MALT1: variants seen among roughly 807,000 people sequenced by gnomAD.
MALT1 encodes mucosa-associated lymphoid tissue lymphoma translocation protein 1.
Under a neutral mutation model 85.5 loss-of-function variants are expected in MALT1, and 36 were observed. The observed-to-expected ratio is 0.42, with a 90% CI of 0.32 to 0.56. The LOEUF (loss-of-function observed/expected upper bound fraction) is 0.56, where lower values mean the gene tolerates loss of function less well. Among genes scored for constraint, MALT1 ranks in the 20% least tolerant of loss-of-function variants. The pLI is 0.10. For synonymous variants in MALT1, 359 were observed against 361.3 expected (o/e 0.99, Z 0.07); for missense variants, 716 against 981.6 (o/e 0.73, Z 3.62).
chr18:58,735,108 C>A, intron 12 of MALT1, 94 bp from the exon 13 acceptor site: 1 of 1,140,388 alleles, frequency 8.8e-7, no homozygotes, highest in Non-Finnish European at 1.2e-6. Flanking sequence ...CTGGGTGCTT[C>A]TCTGAGTTCA....
At chr18:58,720,764 TAAAAATC>T in intron 9 of MALT1, among the ~76,000 whole-genome samples, 1 of 152,196 alleles carries the variant, frequency 6.6e-6, no homozygotes, top group East Asian at 1.9e-4. Flanking sequence ...TTTCTACCAA[TAAAAATC>T]TATGATGTGT....
At chr18:58,688,327 C>CAT (rs398041385) in intron 2 of MALT1, among the ~76,000 whole-genome samples, 8 of 85,482 alleles carry the variant, frequency 9.4e-5, no homozygotes, top group South Asian at 5.2e-4. Flanking sequence ...CACACACACA[C>CAT]GCTTATTAAT....
rs545836423 is a variant in MALT1, at chr18:58,698,964, C to A, written c.499-1477C>A. On this transcript the variant is annotated intron_variant, in intron 3 of 16. Transcript: ENST00000649217. Reference sequence around the variant, plus strand: ...CTGTTGCCTGGGGGTAAAAGCTGCCCCACGAGGGAATTTATGGCAGCCTCA... The same window carrying A: ...CTGTTGCCTGGGGGTAAAAGCTGCCACACGAGGGAATTTATGGCAGCCTCA... Among the ~76,000 whole-genome samples the A allele has an allele frequency of 5.3e-4, 81 of 152,226 alleles. 1 individual carries two copies. The highest frequency in any genetic ancestry group is 1.9e-3 in the African/African-American group (79 of 41,546).
intron 13 of MALT1, 30 bp downstream of exon 13, chr18:58,735,359 C>A: frequency 6.3e-7 from 1 of 1,575,862 alleles, no homozygotes; most frequent in African/African-American, 1.4e-5. Context: ...GAAAAGTACT[C>A]AGAAAAAGGA....
intron 2 of MALT1, among the ~76,000 whole-genome samples, chr18:58,685,090 T>A (rs1312090559): frequency 2.0e-5 from 3 of 152,178 alleles, no homozygotes; most frequent in Non-Finnish European, 4.4e-5. Flanking sequence ...AGTAAGTTTA[T>A]CTGATCTCCA....
intron 13 of MALT1, among the ~76,000 whole-genome samples, chr18:58,740,764 T>C (rs1488769738): frequency 2.0e-5 from 3 of 151,630 alleles, no homozygotes; most frequent in Admixed American, 6.6e-5. Context: ...ACTCTATGTA[T>C]GCCCATTAGG....
chr18:58,709,697 ATTTCATATTAAC>A, intron 5 of MALT1, 141 bp downstream of exon 5: 1 of 757,284 alleles, frequency 1.3e-6, no homozygotes, highest in Non-Finnish European at 2.0e-6. Context: ...GTCCCTTATG[ATTTCATATTAAC>A]TAGCTCTTAT....
intron 9 of MALT1, among the ~76,000 whole-genome samples, chr18:58,719,853 G>A (rs543563310): frequency 1.1e-4 from 16 of 152,098 alleles, no homozygotes; most frequent in Admixed American, 4.6e-4. Flanking sequence ...TGTAGGACAT[G>A]GAGAGTCATT....
chr18:58,703,141 G>A (rs1235826332), intron 4 of MALT1, among the ~76,000 whole-genome samples: 5 of 152,090 alleles, frequency 3.3e-5, no homozygotes, highest in African/African-American at 1.2e-4. Context: ...GGCAGATCAC[G>A]AGGTCGGGAG....
chr18:58,740,707 A>T (rs1014066251), intron 13 of MALT1, among the ~76,000 whole-genome samples: 4 of 152,150 alleles, frequency 2.6e-5, no homozygotes, highest in African/African-American at 7.2e-5. Context: ...TAAATTTTGC[A>T]TGTGTACTTG....
Position 58,735,186 on chromosome 18 carries a change from T to C in MALT1, c.1476-16T>C. 6.3e-7 allele frequency: 1 copy of C among 1,597,944 alleles called. No individual in the cohort carries two copies. The highest frequency in any genetic ancestry group is 8.5e-7 in the Non-Finnish European group (1 of 1,176,654). The stretch of plus-strand genomic sequence containing the variant: ...GCCTTTCTGTGCCTGGCTTAACTTC[T>C]TTTTCTATTTTTAAGGTGTCAAGGA... On this transcript the variant is annotated splice_polypyrimidine_tract_variant and intron_variant, in intron 12 of 16. Transcript: ENST00000649217.
At chr18:58,738,530 G>A (rs2055256355) in intron 13 of MALT1, among the ~76,000 whole-genome samples, 1 of 152,116 alleles carries the variant, frequency 6.6e-6, no homozygotes, top group African/African-American at 2.4e-5. Flanking sequence ...CTGGGTCATA[G>A]GGTGTGACAG....
At chr18:58,741,763 ACTGAGAATATAAC>A (rs1372416277) in intron 13 of MALT1, 89 bp from the exon 14 acceptor site, 2 of 613,136 alleles carry the variant, frequency 3.3e-6, no homozygotes, top group Non-Finnish European at 5.1e-6. Flanking sequence ...AATAAATGAT[ACTGAGAATATAAC>A]CTGATAATGT....
intron 10 of MALT1, among the ~76,000 whole-genome samples, chr18:58,731,596 T>C (rs2055150666): frequency 6.6e-6 from 1 of 152,250 alleles, no homozygotes; most frequent in African/African-American, 2.4e-5. Context: ...GCTCTCTCTC[T>C]GCCTTTGCAA....
intron 2 of MALT1, among the ~76,000 whole-genome samples, chr18:58,685,348 A>AACTAT (rs749523437): frequency 1.2e-4 from 19 of 152,316 alleles, no homozygotes; most frequent in African/African-American, 4.3e-4. Flanking sequence ...TTAAACGAGA[A>AACTAT]ACTATAGTCT....
intron 13 of MALT1, among the ~76,000 whole-genome samples, chr18:58,739,216 T>C (rs1448516529): frequency 6.6e-6 from 1 of 152,250 alleles, no homozygotes; most frequent in Non-Finnish European, 1.5e-5. Context: ...TAGATTTAAT[T>C]TGCCATCATT....
rs1468798633 is a variant in MALT1, at chr18:58,723,298, T to C, written c.1222+47T>C. The C allele has an allele frequency of 2.1e-6, 3 of 1,425,958 alleles. No individual in the cohort carries two copies. In the South Asian group the frequency reaches 3.6e-5, roughly 17 times the overall value. The allele number at this position is 1,425,958 out of a possible 1,614,324, so 88.3% of individuals were successfully genotyped here. On this transcript the variant is annotated intron_variant, in intron 10 of 16. Coordinates refer to ENST00000649217, the MANE Select transcript of MALT1 (RefSeq NM_006785.4). ...TTTTTACAATTATCCATTATTCTTT[T>C]CATTATACAAGTTAGGTTAAGAATT...
In MALT1 at chr18:58,672,115, G is replaced by T; in HGVS notation, c.209+263G>T. On this transcript the variant is annotated intron_variant, in intron 1 of 16. Transcript: ENST00000649217. ...TGCCTCGCTCCCTGTTCCCACCCCC[G>T]CCCCTGGTGAAAGGGAGAAGTCGAG... is the stretch of plus-strand genomic sequence containing the variant. The T allele has an allele frequency of 6.6e-6, 2 of 302,938 alleles. 1 individual carries two copies. The highest frequency in any genetic ancestry group is 1.2e-5 in the Non-Finnish European group (2 of 169,808). The allele number at this position is 302,938 out of a possible 1,614,324, so 18.8% of individuals were successfully genotyped here. A position where few individuals can be genotyped will look rare whatever the true frequency, so the allele number is the denominator to read the frequency against.
chr18:58,688,762 T>G (rs1235151380), intron 2 of MALT1, among the ~76,000 whole-genome samples: 1 of 152,076 alleles, frequency 6.6e-6, no homozygotes, highest in African/African-American at 2.4e-5. Flanking sequence ...TCATGAGCCG[T>G]GTCCTGGTGT....
Sources: gnomAD v4.1 joint callset for allele counts (sites outside exome capture counted in the v4.1 genomes callset) on GRCh38, gnomAD v4.1.1 for gene constraint, MANE v1.5 for transcripts, NCBI Gene and HGNC (gene_info 2026-07-23, HGNC 2026-07-21) for gene names.